Variants in CD48 observed in about 807,000 individuals in gnomAD.
The protein encoded by CD48 is CD48 antigen.
CD48 carries 20 observed loss-of-function variants against 22.0 expected under a neutral mutation model. That is an observed-to-expected ratio of 0.91 (90% CI 0.64 to 1.32). The LOEUF (loss-of-function observed/expected upper bound fraction) is 1.32. Among genes scored for constraint, CD48 ranks in the 40% most tolerant of loss-of-function variants. The pLI, the probability that CD48 is intolerant of heterozygous loss-of-function variation, is 0.00. For synonymous variants in CD48, 110 were observed against 110.1 expected, an observed-to-expected ratio of 1.00 and a Z score of 0.01; for missense variants, 307 against 286.5, an observed-to-expected ratio of 1.07 and a Z score of -0.52.
At chr1:160,710,003 A>T (rs1662902883) in intron 1 of CD48, among the ~76,000 whole-genome samples, 1 of 152,186 alleles carries the variant, frequency 6.6e-6, no homozygotes, top group Non-Finnish European at 1.5e-5. Context: ...TAAAAACAGA[A>T]GCCTAAAAGA....
At position 160,684,875 on chromosome 1, in the gene CD48, C is replaced by A; in HGVS notation, c.385+12G>T. On this transcript the variant is annotated intron_variant, in intron 2 of 3. Coordinates refer to ENST00000368046, the MANE Select transcript of CD48 (RefSeq NM_001778.4). Reference sequence around the variant, plus strand: ...TGGAGTGGGGATTTGCTCTTTGGCTCCCCTGACTCACCAAGCACTTGCAGC... The same window carrying A: ...TGGAGTGGGGATTTGCTCTTTGGCTACCCTGACTCACCAAGCACTTGCAGC... 1 of 1,614,064 alleles carries A rather than the reference C, an allele frequency of 6.2e-7. No homozygotes were observed.
At chr1:160,687,050 C>A (rs1012604494) in intron 1 of CD48, among the ~76,000 whole-genome samples, 1 of 152,112 alleles carries the variant, frequency 6.6e-6, no homozygotes, top group Non-Finnish European at 1.5e-5. Context: ...CAGTTTCGAC[C>A]ATAAGAGACA....
chr1:160,699,456 A>C (rs983704381), intron 1 of CD48: 2 of 153,414 alleles, frequency 1.3e-5, no homozygotes, highest in African/African-American at 2.4e-5. Context: ...CATCCCCCAG[A>C]CCAACACCCG....
intron 1 of CD48, among the ~76,000 whole-genome samples, chr1:160,703,612 A>T (rs1385451192): frequency 2.0e-5 from 3 of 152,216 alleles, no homozygotes; most frequent in African/African-American, 7.2e-5. Flanking sequence ...AAACGTAAGC[A>T]ATCAACACAC....
intron 1 of CD48, chr1:160,691,802 G>A: frequency 2.7e-6 from 1 of 369,108 alleles, no homozygotes; most frequent in Non-Finnish European, 4.8e-6. Flanking sequence ...GTACACTCGA[G>A]CGTGGTCATT....
intron 1 of CD48, among the ~76,000 whole-genome samples, chr1:160,692,793 T>C (rs1183425167): frequency 1.3e-5 from 2 of 152,204 alleles, no homozygotes; most frequent in Non-Finnish European, 2.9e-5. Context: ...CCTCTCACAG[T>C]TGAGGCCAGA....
intron 1 of CD48, among the ~76,000 whole-genome samples, chr1:160,696,659 T>A (rs907412413): frequency 6.6e-6 from 1 of 151,318 alleles, no homozygotes; most frequent in African/African-American, 2.4e-5. Context: ...TGTGTCCTAA[T>A]GCATTATGGC....
chr1:160,701,210 G>A (rs1662618560), intron 1 of CD48, among the ~76,000 whole-genome samples: 1 of 27,486 alleles, frequency 3.6e-5, no homozygotes, highest in Non-Finnish European at 7.7e-5. Flanking sequence ...ACTATGAGAG[G>A]CTAATTTTTA....
At chr1:160,696,313 C>T (rs1046706020) in intron 1 of CD48, among the ~76,000 whole-genome samples, 31 of 152,392 alleles carry the variant, frequency 2.0e-4, no homozygotes, top group Non-Finnish European at 2.2e-4. Flanking sequence ...TGAGACAGCT[C>T]TAATTAAATA....
At chr1:160,706,375 A>C (rs909037086) in intron 1 of CD48, among the ~76,000 whole-genome samples, 3 of 152,256 alleles carry the variant, frequency 2.0e-5, no homozygotes, top group African/African-American at 7.2e-5. Flanking sequence ...TGCTCAGCCA[A>C]TTTCAGTATA....
chr1:160,680,785 G>A (rs73012281), intron 3 of CD48: 17,089 of 1,108,778 alleles, frequency 0.015, 145 homozygotes, highest in Middle Eastern at 0.017. Context: ...TAATGACCTC[G>A]GTCCCTCTTT....
At chr1:160,691,457 A>T (rs1355814586) in intron 1 of CD48, among the ~76,000 whole-genome samples, 1 of 152,200 alleles carries the variant, frequency 6.6e-6, no homozygotes, top group Non-Finnish European at 1.5e-5. Flanking sequence ...ACAGCATTTA[A>T]TCCTTTACCT....
chr1:160,703,014 G>A (rs1662682210), intron 1 of CD48, among the ~76,000 whole-genome samples: 1 of 152,146 alleles, frequency 6.6e-6, no homozygotes, highest in African/African-American at 2.4e-5. Context: ...AGCTTGGCCT[G>A]GAGCGTGTAA....
intron 1 of CD48, among the ~76,000 whole-genome samples, chr1:160,705,084 G>T (rs1439535278): frequency 6.6e-6 from 1 of 152,166 alleles, no homozygotes; most frequent in African/African-American, 2.4e-5. Context: ...TATACTAGCT[G>T]TTCACTTTCC....
At chr1:160,685,350 A>T (rs552224022) in intron 1 of CD48, among the ~76,000 whole-genome samples, 161 bp from the exon 2 acceptor site, 1 of 152,182 alleles carries the variant, frequency 6.6e-6, no homozygotes, top group Admixed American at 6.5e-5. Context: ...CTGCTTAGGA[A>T]CTCAAGAAAA....
In CD48 at chr1:160,684,943, C is replaced by T; in HGVS notation, c.329G>A (p.Arg110Lys). The change falls in exon 2 of 4, where the codon AGG (arginine) becomes AAG (lysine). Residue 110 changes from arginine to lysine, a missense_variant. Coordinates refer to ENST00000368046, the MANE Select transcript of CD48 (RefSeq NM_001778.4). ...CTCATTCCCAGTCTTTTTCAACACC[C>T]TCATGATGTAGGTGCTGTTGTCCTC... ...QKEDNSTYIM[R>K]VLKKTGNEQE... 1 of 1,614,168 alleles carries T rather than the reference C, an allele frequency of 6.2e-7. No homozygotes were observed. Among genetic ancestry groups the T allele is most frequent in the South Asian group, 1.1e-5 (1 of 91,080 alleles).
rs531009173 is a variant in CD48 at position 160,693,435 on chromosome 1, G to C, written c.83-8246C>G. 4.6e-5 allele frequency among the ~76,000 whole-genome samples: 7 copies of C among 152,266 alleles called. No individual in the cohort carries two copies. The South Asian group carries it at 1.5e-3, about 32-fold the overall frequency. ...TATGTAAAAGCCCGTGATGGAATTGGAGGAGCTACGCATAAAGCTATGCTT... is the reference window on the plus strand; with the variant it reads ...TATGTAAAAGCCCGTGATGGAATTGCAGGAGCTACGCATAAAGCTATGCTT... On this transcript the variant is annotated intron_variant, in intron 1 of 3. Transcript: ENST00000368046.
chr1:160,690,915 C>T (rs1455983922), intron 1 of CD48, among the ~76,000 whole-genome samples: 1 of 152,146 alleles, frequency 6.6e-6, no homozygotes, highest in African/African-American at 2.4e-5. Context: ...TATGACCTTA[C>T]CCCCAACCCC....
intron 2 of CD48, among the ~76,000 whole-genome samples, 199 bp from the exon 3 acceptor site, chr1:160,681,667 T>C (rs12753811): frequency 0.096 from 14,562 of 152,162 alleles, 844 homozygotes; most frequent in South Asian, 0.17. Context: ...AAGAGCGGCT[T>C]CTAGGCAGTG....
Sources: allele counts gnomAD v4.1 joint callset (sites outside exome capture counted in the v4.1 genomes callset), GRCh38; gene constraint gnomAD v4.1.1; transcripts MANE v1.5; gene names NCBI Gene and HGNC (gene_info 2026-07-23, HGNC 2026-07-21).